BCKDHB: variants seen among roughly 807,000 people sequenced by gnomAD.
The protein encoded by BCKDHB is 2-oxoisovalerate dehydrogenase subunit beta, mitochondrial.
BCKDHB carries 41 observed loss-of-function variants against 48.5 expected under a neutral mutation model. The observed-to-expected ratio is 0.85, with a 90% CI of 0.66 to 1.10. The LOEUF (loss-of-function observed/expected upper bound fraction) is 1.10, where lower values mean the gene tolerates loss of function less well. Ranked by LOEUF, BCKDHB falls within the 50% of genes least tolerant of loss-of-function variation. BCKDHB has a pLI of 0.00. For missense variants in BCKDHB, 496 were observed against 494.2 expected (o/e 1.00, Z -0.03); for synonymous variants, 201 against 174.8 (o/e 1.15, Z -1.18).
intron 9 of BCKDHB, among the ~76,000 whole-genome samples, chr6:80,281,856 A>T (rs1200476349): frequency 8.0e-6 from 1 of 124,914 alleles, no homozygotes; most frequent in Non-Finnish European, 1.8e-5. Context: ...ACTCTAAATG[A>T]ACTTAGAAAA....
chr6:80,151,258 GTAAT>G (rs1771761168), intron 3 of BCKDHB, among the ~76,000 whole-genome samples: 1 of 152,072 alleles, frequency 6.6e-6, no homozygotes. Context: ...CTATACACAA[GTAAT>G]TAGATTGTAG....
At chr6:80,314,943 A>C (rs1490453315) in intron 9 of BCKDHB, among the ~76,000 whole-genome samples, 3 of 152,214 alleles carry the variant, frequency 2.0e-5, no homozygotes, top group Non-Finnish European at 4.4e-5. Flanking sequence ...TACTCTGCAA[A>C]GCCCACGGGC....
At chr6:80,116,903 G>A (rs1038053853) in intron 1 of BCKDHB, among the ~76,000 whole-genome samples, 6 of 152,170 alleles carry the variant, frequency 3.9e-5, no homozygotes, top group African/African-American at 1.2e-4. Flanking sequence ...GTTAGCACAT[G>A]CTATAAGTAG....
chr6:80,283,188 A>AG (rs1221317689), intron 9 of BCKDHB, among the ~76,000 whole-genome samples: 1 of 151,964 alleles, frequency 6.6e-6, no homozygotes, highest in African/African-American at 2.4e-5. Flanking sequence ...AGATTATTTA[A>AG]TTTTTCTGTA....
intron 1 of BCKDHB, among the ~76,000 whole-genome samples, chr6:80,112,468 C>T (rs903154460): frequency 6.6e-6 from 1 of 152,168 alleles, no homozygotes; most frequent in Non-Finnish European, 1.5e-5. Flanking sequence ...CTCCATCCCA[C>T]CTTCCCATTC....
At chr6:80,408,097 A>C in the BCKDHB span, among the ~76,000 whole-genome samples, 2 of 152,160 alleles carry the variant, frequency 1.3e-5, no homozygotes, top group Admixed American at 6.5e-5. Context: ...CCTTTTCTGC[A>C]TCTGTTGAGA....
chr6:80,337,397 C>G (rs1006066806), intron 9 of BCKDHB, among the ~76,000 whole-genome samples: 1 of 152,000 alleles, frequency 6.6e-6, no homozygotes, highest in Non-Finnish European at 1.5e-5. Flanking sequence ...ATTATGACCT[C>G]TAGAAGGTAA....
intron 1 of BCKDHB, 68 bp from the exon 2 acceptor site, chr6:80,127,478 CT>C: frequency 2.4e-6 from 3 of 1,236,998 alleles, no homozygotes; most frequent in Non-Finnish European, 3.6e-6. Flanking sequence ...TTGTAATTAA[CT>C]GTTAAGAAAC....
intron 9 of BCKDHB, among the ~76,000 whole-genome samples, chr6:80,320,332 T>G (rs1768656663): frequency 6.6e-6 from 1 of 152,250 alleles, no homozygotes; most frequent in African/African-American, 2.4e-5. Context: ...TAATATGTTC[T>G]TTCTTCTACC....
At chr6:80,455,528 T>C in the BCKDHB span, among the ~76,000 whole-genome samples, 1 of 150,996 alleles carries the variant, frequency 6.6e-6, no homozygotes, top group Non-Finnish European at 1.5e-5. Flanking sequence ...TTGTAGGGCT[T>C]AGACTCCTTT....
At chr6:80,448,216 A>T in the BCKDHB span, among the ~76,000 whole-genome samples, 1 of 152,158 alleles carries the variant, frequency 6.6e-6, no homozygotes, top group Non-Finnish European at 1.5e-5. Flanking sequence ...GAGGAATGCA[A>T]TTTAGGGTAG....
the BCKDHB span, among the ~76,000 whole-genome samples, chr6:80,427,427 G>A: frequency 3.9e-5 from 6 of 151,922 alleles, no homozygotes; most frequent in Non-Finnish European, 7.4e-5. Flanking sequence ...ACTTGTACGT[G>A]TTATAAACCC....
At chr6:80,119,856 T>G (rs1166346621) in intron 1 of BCKDHB, among the ~76,000 whole-genome samples, 1 of 150,570 alleles carries the variant, frequency 6.6e-6, no homozygotes, top group Non-Finnish European at 1.5e-5. Flanking sequence ...AATGTTAATC[T>G]TTTTTTTCCT....
At chr6:80,408,305 C>T in the BCKDHB span, among the ~76,000 whole-genome samples, 35 of 152,090 alleles carry the variant, frequency 2.3e-4, no homozygotes, top group Admixed American at 2.0e-3. Context: ...GGATATTGGT[C>T]TAAAATTCTC....
intron 8 of BCKDHB, among the ~76,000 whole-genome samples, chr6:80,243,880 G>T (rs1364964013): frequency 6.6e-6 from 1 of 152,162 alleles, no homozygotes; most frequent in Non-Finnish European, 1.5e-5. Flanking sequence ...GTGTTTCTGT[G>T]TAAGTGTAGA....
intron 8 of BCKDHB, among the ~76,000 whole-genome samples, chr6:80,244,509 T>A (rs913484274): frequency 1.3e-5 from 2 of 152,288 alleles, no homozygotes; most frequent in East Asian, 3.9e-4. Flanking sequence ...TTAGCATAAT[T>A]TTTTTGTTTT....
intron 8 of BCKDHB, among the ~76,000 whole-genome samples, chr6:80,254,787 A>T (rs1050199350): frequency 6.6e-6 from 1 of 152,194 alleles, no homozygotes; most frequent in Admixed American, 6.5e-5. Flanking sequence ...AAACTGAGAG[A>T]ATCATAGATG....
chr6:80,276,293 G>T (rs1378763303), intron 9 of BCKDHB, among the ~76,000 whole-genome samples: 1 of 151,770 alleles, frequency 6.6e-6, no homozygotes, highest in East Asian at 1.9e-4. Flanking sequence ...TAAAGTTATT[G>T]TTTTTAAATA....
chr6:80,158,815 T>A (rs965538897), intron 3 of BCKDHB, among the ~76,000 whole-genome samples: 4 of 152,164 alleles, frequency 2.6e-5, no homozygotes, highest in Admixed American at 6.5e-5. Flanking sequence ...GCCAACAGAT[T>A]TCTTAGTAAC....
Sources: gnomAD v4.1 joint callset for allele counts (sites outside exome capture counted in the v4.1 genomes callset) on GRCh38, gnomAD v4.1.1 for gene constraint, MANE v1.5 for transcripts, NCBI Gene and HGNC (gene_info 2026-07-23, HGNC 2026-07-21) for gene names.